Variants in CTNNBIP1 observed in about 807,000 individuals in gnomAD.
The protein encoded by CTNNBIP1 is beta-catenin-interacting protein 1.
CTNNBIP1 carries 7 observed loss-of-function variants against 11.8 expected under a neutral mutation model. The ratio of observed to expected loss-of-function variants is 0.60; its 90% CI spans 0.34 to 1.12. The LOEUF is 1.12. Among genes scored for constraint, CTNNBIP1 ranks in the 50% most tolerant of loss-of-function variants. CTNNBIP1 has a pLI of 0.03. For synonymous variants in CTNNBIP1, 58 were observed against 43.9 expected (o/e 1.32, Z -1.26); for missense variants, 101 against 113.4 (o/e 0.89, Z 0.50).
intron 1 of CTNNBIP1, among the ~76,000 whole-genome samples, chr1:9,905,933 CTATAT>C (rs762050729): frequency 1.3e-5 from 2 of 152,116 alleles, no homozygotes; most frequent in Admixed American, 6.6e-5. Flanking sequence ...AGTTTAGGTA[CTATAT>C]TATAAGAGTA....
intron 3 of CTNNBIP1, among the ~76,000 whole-genome samples, chr1:9,876,475 G>A (rs921384662): frequency 2.0e-5 from 3 of 152,064 alleles, no homozygotes; most frequent in Non-Finnish European, 4.4e-5. Flanking sequence ...AAAATTAGCT[G>A]GGCGAGGTGG....
chr1:9,909,675 TTCAATC>T (rs1639693246), intron 1 of CTNNBIP1, among the ~76,000 whole-genome samples: 1 of 151,908 alleles, frequency 6.6e-6, no homozygotes, highest in Non-Finnish European at 1.5e-5. Context: ...GAGACGACAG[TTCAATC>T]AAACTACAGA....
At chr1:9,893,256 G>A (rs933907248) in intron 1 of CTNNBIP1, 1 of 152,234 alleles carries the variant, frequency 6.6e-6, no homozygotes, top group Non-Finnish European at 1.5e-5. Flanking sequence ...CCAGTGTAAA[G>A]TGTCCAAGAA....
At chr1:9,876,845 TACACACACACACACACACACACACACAC>T (rs34192085) in intron 3 of CTNNBIP1, among the ~76,000 whole-genome samples, 3 of 138,102 alleles carry the variant, frequency 2.2e-5, no homozygotes, top group Non-Finnish European at 4.8e-5. Context: ...CTGCTATACA[TACACACACACACACACACACACACACAC>T]ACACACACAC....
At chr1:9,887,677 T>C (rs2101520165) in intron 1 of CTNNBIP1, among the ~76,000 whole-genome samples, 1 of 147,928 alleles carries the variant, frequency 6.8e-6, no homozygotes, top group East Asian at 2.1e-4. Flanking sequence ...CACTCCAACC[T>C]GGCAAAAGAG....
chr1:9,909,135 GC>G (rs1180719217), intron 1 of CTNNBIP1, among the ~76,000 whole-genome samples: 2 of 152,220 alleles, frequency 1.3e-5, no homozygotes, highest in Non-Finnish European at 2.9e-5. Flanking sequence ...CAAGGCTCCT[GC>G]GAACAGAACT....
chr1:9,853,353 A>T (rs1638430713), intron 5 of CTNNBIP1, among the ~76,000 whole-genome samples: 2 of 152,162 alleles, frequency 1.3e-5, no homozygotes. Context: ...CTCACCATGA[A>T]CCTGACAGGC....
intron 5 of CTNNBIP1, among the ~76,000 whole-genome samples, chr1:9,861,340 GC>G (rs1323598858): frequency 6.6e-6 from 1 of 152,148 alleles, no homozygotes; most frequent in African/African-American, 2.4e-5. Flanking sequence ...CCTGGACTGG[GC>G]CTCCTCCCAC....
chr1:9,890,952 TGGGTCACCTCCAGAGAGTGC>T (rs771123763), intron 1 of CTNNBIP1, among the ~76,000 whole-genome samples: 23 of 152,182 alleles, frequency 1.5e-4, no homozygotes, highest in Middle Eastern at 3.4e-3. Context: ...CTGGAGAGCA[TGGGTCACCTCCAGAGAGTGC>T]GGGTCACCTC....
intron 5 of CTNNBIP1, among the ~76,000 whole-genome samples, chr1:9,863,268 T>C (rs1007810433): frequency 1.3e-5 from 2 of 152,194 alleles, no homozygotes; most frequent in Non-Finnish European, 2.9e-5. Flanking sequence ...ATTCAATATA[T>C]AGGTGATTTT....
At chr1:9,865,561 A>G (rs1032989015) in intron 5 of CTNNBIP1, among the ~76,000 whole-genome samples, 1 of 152,060 alleles carries the variant, frequency 6.6e-6, no homozygotes, top group Non-Finnish European at 1.5e-5. Flanking sequence ...CCGAGACCGC[A>G]CCATTGCACT....
At chr1:9,864,745 C>T (rs1040462122) in intron 5 of CTNNBIP1, among the ~76,000 whole-genome samples, 1 of 152,218 alleles carries the variant, frequency 6.6e-6, no homozygotes, top group African/African-American at 2.4e-5. Flanking sequence ...GGGCACCACC[C>T]CAGTGCAGTG....
chr1:9,876,685 G>A lies in CTNNBIP1; in HGVS notation c.-25+1220C>T, dbSNP rs1638974116. On this transcript the variant is annotated intron_variant, in intron 3 of 5. Coordinates refer to ENST00000377263, the MANE Select transcript of CTNNBIP1 (RefSeq NM_020248.3). ...ATTAACTATCCAAATGAATGGTGAA[G>A]GGACAGGTCCATGGTTATTTATTAT... Among the ~76,000 whole-genome samples the A allele has an allele frequency of 2.6e-5, 4 of 152,156 alleles. No individual in the cohort carries two copies. The South Asian group carries it at 8.3e-4, about 32-fold the overall frequency.
chr1:9,883,864 G>C lies in CTNNBIP1; in HGVS notation c.-143-126C>G, dbSNP rs1409244313. Reference sequence around the variant, plus strand: ...CTTAACCTCGGCTTTGCCTCCTCCAGGTGGGTCGGCTGACTTAACGGTGCT... The same window carrying C: ...CTTAACCTCGGCTTTGCCTCCTCCACGTGGGTCGGCTGACTTAACGGTGCT... On this transcript the variant is annotated intron_variant, in intron 1 of 5. Transcript: ENST00000377263. The surrounding 1 kb of genome is among the most constrained non-coding windows in gnomAD (Gnocchi z 5.6). The C allele has an allele frequency of 6.5e-6, 1 of 153,034 alleles. No individual in the cohort carries two copies. The highest frequency in any genetic ancestry group is 6.5e-5 in the Admixed American group (1 of 15,284). The allele number at this position is 153,034 out of a possible 1,614,324, so 9.5% of individuals were successfully genotyped here.
chr1:9,863,917 T>C (rs1638686611), intron 5 of CTNNBIP1, among the ~76,000 whole-genome samples: 1 of 152,198 alleles, frequency 6.6e-6, no homozygotes, highest in African/African-American at 2.4e-5. Flanking sequence ...CCTCATGCCA[T>C]GCTACGAAAG....
At chr1:9,854,104 G>C (rs891883960) in intron 5 of CTNNBIP1, among the ~76,000 whole-genome samples, 1 of 152,230 alleles carries the variant, frequency 6.6e-6, no homozygotes, top group African/African-American at 2.4e-5. Flanking sequence ...GCCAGGTGCA[G>C]TGGCTCACGC....
intron 1 of CTNNBIP1, among the ~76,000 whole-genome samples, chr1:9,907,417 C>T (rs971508864): frequency 3.3e-5 from 5 of 152,114 alleles, no homozygotes; most frequent in African/African-American, 7.2e-5. Flanking sequence ...GTGATCCGCC[C>T]GCCTTGGCCT....
At position 9,883,434 on chromosome 1, in the gene CTNNBIP1, T is replaced by C. The variant is rs989277191; in HGVS notation, c.-110+271A>G. Among the ~76,000 whole-genome samples, 1 of 152,122 alleles carries C rather than the reference T, an allele frequency of 6.6e-6. No homozygotes were observed. The highest frequency in any genetic ancestry group is 6.6e-5 in the Admixed American group (1 of 15,266). On this transcript the variant is annotated intron_variant, in intron 2 of 5. Coordinates refer to ENST00000377263, the MANE Select transcript of CTNNBIP1 (RefSeq NM_020248.3). This position sits in a 1 kb window ranked among gnomAD's most constrained non-coding sequence, Gnocchi z 5.6. ...GAGCAGGGCAGGGGAGAGGTCCACCTGCCCCATCCCATGTCTACTCAGGCC... is the reference window on the plus strand; with the variant it reads ...GAGCAGGGCAGGGGAGAGGTCCACCCGCCCCATCCCATGTCTACTCAGGCC...
chr1:9,896,794 C>A (rs1639416657), intron 1 of CTNNBIP1, among the ~76,000 whole-genome samples: 1 of 152,182 alleles, frequency 6.6e-6, no homozygotes, highest in African/African-American at 2.4e-5. Context: ...TGGTGAAACC[C>A]CATTTCTACT....
Sources: allele counts gnomAD v4.1 joint callset (sites outside exome capture counted in the v4.1 genomes callset), GRCh38; gene constraint gnomAD v4.1.1; non-coding constraint Gnocchi (gnomAD v3.1); transcripts MANE v1.5; gene names NCBI Gene and HGNC (gene_info 2026-07-23, HGNC 2026-07-21).